The following SLC6A4 variants were observed in gnomAD, a reference collection of about 807,000 sequenced individuals.
SLC6A4 encodes sodium-dependent serotonin transporter.
A neutral mutation model predicts 73.4 loss-of-function variants in SLC6A4; 22 were observed. That is an observed-to-expected ratio of 0.30 (90% CI 0.21 to 0.43). SLC6A4 has a LOEUF of 0.43. Among genes scored for constraint, SLC6A4 ranks in the 20% least tolerant of loss-of-function variants. SLC6A4 has a pLI of 1.00. For synonymous variants in SLC6A4, 270 were observed against 315.5 expected (o/e 0.86, Z 1.53); for missense variants, 593 against 808.5 (o/e 0.73, Z 3.23).
At chr17:30,226,779 G>T (rs1320306898) in intron 1 of SLC6A4, among the ~76,000 whole-genome samples, 6 of 151,396 alleles carry the variant, frequency 4.0e-5, no homozygotes, top group African/African-American at 7.3e-5. Flanking sequence ...CTACTCAGAA[G>T]ACTGATGCAT....
chr17:30,233,628 C>T (rs1415164803), intron 1 of SLC6A4, among the ~76,000 whole-genome samples: 1 of 152,178 alleles, frequency 6.6e-6, no homozygotes, highest in Non-Finnish European at 1.5e-5. Context: ...AGGCAGTCCT[C>T]TCCACAGCCC....
At position 30,235,004 on chromosome 17, in the gene SLC6A4, G is replaced by A. The variant is rs913064936; in HGVS notation, c.-221+609C>T. 1.3e-5 allele frequency among the ~76,000 whole-genome samples: 2 copies of A among 152,066 alleles called. No individual in the cohort carries two copies. The highest frequency in any genetic ancestry group is 4.8e-5 in the African/African-American group (2 of 41,400). ...AATGATGGTTATATCCTTCAACCACGTAGCACAGTCGTTGGAGTTGGAGTT... is the reference window on the plus strand; with the variant it reads ...AATGATGGTTATATCCTTCAACCACATAGCACAGTCGTTGGAGTTGGAGTT... On this transcript the variant is annotated intron_variant, in intron 1 of 14. Transcript: ENST00000650711. This position sits in a 1 kb window ranked among gnomAD's most constrained non-coding sequence, Gnocchi z 4.5.
At chr17:30,224,757 C>A (rs2143015869) in intron 1 of SLC6A4, among the ~76,000 whole-genome samples, 1 of 152,244 alleles carries the variant, frequency 6.6e-6, no homozygotes, top group South Asian at 2.1e-4. Flanking sequence ...ATGATTTGTT[C>A]TGGATTTTGT....
intron 1 of SLC6A4, among the ~76,000 whole-genome samples, chr17:30,229,886 G>A (rs1907032749): frequency 2.0e-5 from 3 of 152,118 alleles, no homozygotes; most frequent in South Asian, 2.1e-4. Flanking sequence ...CAGGCATGGT[G>A]GCGCATGCCT....
intron 1 of SLC6A4, among the ~76,000 whole-genome samples, chr17:30,232,633 C>A (rs997704095): frequency 3.3e-5 from 5 of 152,112 alleles, no homozygotes; most frequent in Non-Finnish European, 7.4e-5. Flanking sequence ...TCCAGAGGGG[C>A]CAAAGGAAAG....
chr17:30,218,650 G>T (rs951127477), intron 4 of SLC6A4, 147 bp downstream of exon 4: 1 of 781,468 alleles, frequency 1.3e-6, no homozygotes, highest in East Asian at 2.4e-5. Flanking sequence ...CACCACTTAC[G>T]CAGTCAAAAC....
Position 30,216,157 on chromosome 17 carries a change from A to G in SLC6A4, c.897T>C (p.Gly299=). The part of the protein sequence containing the change: ...YIILSVLLVR[G]ATLPGAWRGV... ...CCCTCCAGGCTCCAGGGAGGGTGGC[A>G]CCCCTCACCAGCAGGACAGAAAGGA... Residue 299 remains glycine, a synonymous_variant, in exon 7 of 15, where the codon GGT becomes GGC. Transcript: ENST00000650711. The G allele has an allele frequency of 6.2e-7, 1 of 1,610,104 alleles. No homozygotes were observed. Among genetic ancestry groups the G allele is most frequent in the Non-Finnish European group, 8.5e-7 (1 of 1,177,786 alleles).
rs189856780 is a variant in SLC6A4 at position 30,199,033 on chromosome 17, C to A, written c.1819-503G>T. 3.9e-5 allele frequency among the ~76,000 whole-genome samples: 6 copies of A among 152,272 alleles called. No homozygotes were observed. The East Asian group carries it at 7.7e-4, about 20-fold the overall frequency. ...CAGGATGTTACTAATTTAATGAATT[C>A]ACCTGTAAAGCAATACTGGTTAGTT... On this transcript the variant is annotated intron_variant, in intron 14 of 14. Coordinates refer to ENST00000650711, the MANE Select transcript of SLC6A4 (RefSeq NM_001045.6).
At position 30,212,819 on chromosome 17, in the gene SLC6A4, C is replaced by T. The variant is rs201149719; in HGVS notation, c.1125G>A (p.Ser375=). 7.2e-5 allele frequency: 117 copies of T among 1,614,024 alleles called. No homozygotes were observed. Among genetic ancestry groups the T allele is most frequent in the South Asian group, 3.2e-4 (29 of 91,092 alleles). The part of the protein sequence containing the change: ...SVVNCMTSFV[S]GFVIFTVLGY... Reference sequence around the variant, plus strand: ...CGAGCACTGTGAAGATGACAAATCCCGAAACGAAGCTCGTCATGCAGTTCA... The same window carrying T: ...CGAGCACTGTGAAGATGACAAATCCTGAAACGAAGCTCGTCATGCAGTTCA... Residue 375 remains serine, a synonymous_variant, in exon 9 of 15, where the codon TCG becomes TCA. Transcript: ENST00000650711.
At chr17:30,229,099 T>A (rs989903695) in intron 1 of SLC6A4, among the ~76,000 whole-genome samples, 2 of 152,192 alleles carry the variant, frequency 1.3e-5, no homozygotes, top group African/African-American at 4.8e-5. Flanking sequence ...TCGGGAAGAT[T>A]GGCTGTGCAT....
Position 30,211,868 on chromosome 17 carries a change from C to T in SLC6A4, c.1205-444G>A, listed in dbSNP as rs1207529265. Among the ~76,000 whole-genome samples, 3 of 152,240 alleles carry T rather than the reference C, an allele frequency of 2.0e-5. No homozygotes were observed. The highest frequency in any genetic ancestry group is 2.0e-4 in the Admixed American group (3 of 15,296). On this transcript the variant is annotated intron_variant, in intron 9 of 14. Transcript: ENST00000650711. The surrounding 1 kb of genome is among the most constrained non-coding windows in gnomAD (Gnocchi z 4.0). ...ATTGATTTCCGTAGAGTCACAGAGG[C>T]TTTGGAATAAAGACCTCTTTCTATT...
chr17:30,202,078 T>A (rs1470537255), intron 14 of SLC6A4, among the ~76,000 whole-genome samples: 1 of 152,082 alleles, frequency 6.6e-6, no homozygotes, highest in African/African-American at 2.4e-5. Context: ...GGGTACAGAG[T>A]GAGACCTTGT....
In SLC6A4 at chr17:30,211,447, G is replaced by A. The variant is rs201992901; in HGVS notation, c.1205-23C>T. On this transcript the variant is annotated intron_variant, in intron 9 of 14. Coordinates refer to ENST00000650711, the MANE Select transcript of SLC6A4 (RefSeq NM_001045.6). The surrounding 1 kb of genome is among the most constrained non-coding windows in gnomAD (Gnocchi z 4.0). ...GACCTGAGACAGAGGGGAGAGAGGA[G>A]GAGGTGGTTGACAAGACCTGTCCTA... 5 of 1,486,518 alleles carry A rather than the reference G, an allele frequency of 3.4e-6. No homozygotes were observed. In the African/African-American group the frequency reaches 6.9e-5, roughly 21 times the overall value. 92.1% of individuals were successfully genotyped at this position (1,486,518 alleles called of 1,614,324 possible).
At position 30,198,538 on chromosome 17, in the gene SLC6A4, G is replaced by A. The variant is rs1367291009; in HGVS notation, c.1819-8C>T. ...AATACTTTTAATAATACGCTATTGG[G>A]AAGAAAATACAATGTTATAAACATC... On this transcript the variant is annotated splice_polypyrimidine_tract_variant and splice_region_variant and intron_variant, in intron 14 of 14. Transcript: ENST00000650711. 6.7e-7 allele frequency: 1 copy of A among 1,503,442 alleles called. No homozygotes were observed. The highest frequency in any genetic ancestry group is 9.2e-7 in the Non-Finnish European group (1 of 1,083,080). The allele number at this position is 1,503,442 out of a possible 1,614,324, so 93.1% of individuals were successfully genotyped here.
Position 30,218,355 on chromosome 17 carries a change from T to C in SLC6A4, c.479-18A>G, listed in dbSNP as rs745885062. On this transcript the variant is annotated intron_variant, in intron 4 of 14. Transcript: ENST00000650711. ...ACCAATCCCTGGGCAGTGGGTGAGA[T>C]GGAGAGACAGAGGCCGAGTTTAAGG... 5 of 1,601,042 alleles carry C rather than the reference T, an allele frequency of 3.1e-6. No homozygotes were observed. In the African/African-American group the frequency reaches 6.7e-5, roughly 21 times the overall value.
At chr17:30,200,154 G>A (rs1390569026) in intron 14 of SLC6A4, among the ~76,000 whole-genome samples, 5 of 152,224 alleles carry the variant, frequency 3.3e-5, no homozygotes, top group Non-Finnish European at 7.4e-5. Flanking sequence ...CGCAATGAAC[G>A]ACGTCATAAA....
At position 30,210,950 on chromosome 17, in the gene SLC6A4, C is replaced by T. The variant is rs185298668; in HGVS notation, c.1318-304G>A. ...GAAAGGCCAACTCAAAGCTGAGACTCACTCCACACTAATAATTCCAGGCCC... is the reference window on the plus strand; with the variant it reads ...GAAAGGCCAACTCAAAGCTGAGACTTACTCCACACTAATAATTCCAGGCCC... On this transcript the variant is annotated intron_variant, in intron 10 of 14. Transcript: ENST00000650711. Among the ~76,000 whole-genome samples, 519 of 152,352 alleles carry T rather than the reference C, an allele frequency of 3.4e-3. 1 individual carries two copies. The highest frequency in any genetic ancestry group is 5.7e-3 in the Non-Finnish European group (391 of 68,030).
At chr17:30,219,547 C>T (rs776253450) in intron 3 of SLC6A4, among the ~76,000 whole-genome samples, 9 of 152,216 alleles carry the variant, frequency 5.9e-5, no homozygotes, top group Non-Finnish European at 1.2e-4. Flanking sequence ...GCTCCAGACA[C>T]ATGATTATTG....
intron 8 of SLC6A4, 103 bp from the exon 9 acceptor site, chr17:30,212,970 G>T: frequency 8.1e-7 from 1 of 1,238,328 alleles, no homozygotes; most frequent in Non-Finnish European, 1.1e-6. Context: ...GGCGGCCACA[G>T]CAAGGACAAG....
Sources: allele counts gnomAD v4.1 joint callset (sites outside exome capture counted in the v4.1 genomes callset), GRCh38; gene constraint gnomAD v4.1.1; non-coding constraint Gnocchi (gnomAD v3.1); transcripts MANE v1.5; gene names NCBI Gene and HGNC (gene_info 2026-07-23, HGNC 2026-07-21).